Variants in GPC5 observed in about 807,000 individuals in gnomAD.
The protein encoded by GPC5 is glypican 5, also known as glypican-5.
Under a neutral mutation model 53.9 loss-of-function variants are expected in GPC5, and 47 were observed. The ratio of observed to expected loss-of-function variants is 0.87; its 90% CI spans 0.69 to 1.11. GPC5 has a LOEUF of 1.11. Among genes scored for constraint, GPC5 ranks in the 50% most tolerant of loss-of-function variants. The pLI is 0.00. For missense variants in GPC5, 748 were observed against 713.1 expected (o/e 1.05, Z -0.56); for synonymous variants, 286 against 263.3 (o/e 1.09, Z -0.84).
chr13:92,639,480 T>C (rs1233653258), intron 7 of GPC5, among the ~76,000 whole-genome samples: 1 of 152,208 alleles, frequency 6.6e-6, no homozygotes, highest in African/African-American at 2.4e-5. Flanking sequence ...ATTTAAATCC[T>C]TTGAGTGGCT....
At chr13:92,798,928 A>G (rs940989473) in intron 7 of GPC5, among the ~76,000 whole-genome samples, 2 of 151,848 alleles carry the variant, frequency 1.3e-5, no homozygotes, top group African/African-American at 4.8e-5. Context: ...ACAATACGTA[A>G]TATCTTAGAT....
At chr13:92,110,134 C>T (rs999992291) in intron 6 of GPC5, among the ~76,000 whole-genome samples, 1 of 152,086 alleles carries the variant, frequency 6.6e-6, no homozygotes, top group Admixed American at 6.5e-5. Context: ...ATCTTTCGAT[C>T]GTTTCAGATG....
intron 7 of GPC5, among the ~76,000 whole-genome samples, chr13:92,465,604 C>A (rs1274569186): frequency 6.6e-6 from 1 of 151,844 alleles, no homozygotes; most frequent in Non-Finnish European, 1.5e-5. Context: ...TTTTTTTAAT[C>A]CGAGGTGGAT....
At chr13:91,630,947 A>G (rs889545159) in intron 2 of GPC5, among the ~76,000 whole-genome samples, 2 of 152,108 alleles carry the variant, frequency 1.3e-5, no homozygotes, top group African/African-American at 4.8e-5. Context: ...TAACTTAACC[A>G]TAGGTCCAAC....
Position 92,371,725 on chromosome 13 carries a change from C to T in GPC5, c.1561+226736C>T, listed in dbSNP as rs562958797. ...TCTGGTGAGAACTCACTCACTATCACGAGAATAGCATGGAGGAAAATGCCC... is the reference window on the plus strand; with the variant it reads ...TCTGGTGAGAACTCACTCACTATCATGAGAATAGCATGGAGGAAAATGCCC... On this transcript the variant is annotated intron_variant, in intron 7 of 7. Transcript: ENST00000377067. Among the ~76,000 whole-genome samples the T allele has an allele frequency of 4.1e-4, 62 of 152,246 alleles. No homozygotes were observed. The East Asian group carries it at 9.1e-3, about 22-fold the overall frequency.
intron 1 of GPC5, among the ~76,000 whole-genome samples, chr13:91,404,697 T>C (rs1055463667): frequency 1.3e-5 from 2 of 152,240 alleles, no homozygotes; most frequent in Admixed American, 1.3e-4. Flanking sequence ...AAGTTGAATG[T>C]GCAGTGTACC....
intron 2 of GPC5, among the ~76,000 whole-genome samples, chr13:91,521,416 A>G (rs1261386564): frequency 1.3e-5 from 2 of 152,210 alleles, no homozygotes; most frequent in Admixed American, 1.3e-4. Flanking sequence ...GTGCCTCTTT[A>G]TACAGGTATC....
chr13:92,749,448 T>G (rs1889323954), intron 7 of GPC5, among the ~76,000 whole-genome samples: 1 of 152,160 alleles, frequency 6.6e-6, no homozygotes, highest in Non-Finnish European at 1.5e-5. Context: ...AAAAAAAGTA[T>G]GCTATTTTAT....
intron 6 of GPC5, among the ~76,000 whole-genome samples, chr13:92,012,874 T>C (rs1288356704): frequency 6.6e-6 from 1 of 152,152 alleles, no homozygotes; most frequent in Non-Finnish European, 1.5e-5. Flanking sequence ...GCTCACCTCT[T>C]GTGGGAGGGA....
intron 7 of GPC5, among the ~76,000 whole-genome samples, chr13:92,206,061 AAAC>A (rs1390496894): frequency 6.0e-4 from 84 of 141,150 alleles, no homozygotes; most frequent in African/African-American, 2.0e-3. Context: ...AAAAAAAAAA[AAAC>A]CCAACAACGA....
chr13:92,444,887 GA>G (rs1877734967), intron 7 of GPC5, among the ~76,000 whole-genome samples: 1 of 152,018 alleles, frequency 6.6e-6, no homozygotes. Context: ...AGGTCAAGCT[GA>G]AAAAGACAGA....
intron 6 of GPC5, among the ~76,000 whole-genome samples, chr13:92,052,022 C>CA (rs1348149458): frequency 6.6e-6 from 1 of 152,278 alleles, no homozygotes; most frequent in African/African-American, 2.4e-5. Context: ...GGGTGAGAGA[C>CA]ACAGAGGGCT....
At chr13:92,414,618 G>A (rs7338861) in intron 7 of GPC5, among the ~76,000 whole-genome samples, 6,605 of 152,242 alleles carry the variant, frequency 0.043, 202 homozygotes, top group East Asian at 0.16. Flanking sequence ...ATAATTTTTA[G>A]GCTAAGAAAT....
chr13:91,722,655 A>G (rs74418329), intron 3 of GPC5, among the ~76,000 whole-genome samples: 2 of 152,148 alleles, frequency 1.3e-5, no homozygotes, highest in Non-Finnish European at 2.9e-5. Flanking sequence ...AAAATATAAT[A>G]TGAGTTAGAA....
intron 2 of GPC5, among the ~76,000 whole-genome samples, chr13:91,571,093 C>T (rs1469116409): frequency 1.3e-5 from 2 of 152,080 alleles, no homozygotes; most frequent in East Asian, 1.9e-4. Context: ...TGCTTCTGGT[C>T]TTTGCACTCC....
intron 5 of GPC5, among the ~76,000 whole-genome samples, chr13:91,797,391 A>G (rs1258681377): frequency 6.6e-6 from 1 of 152,186 alleles, no homozygotes; most frequent in Non-Finnish European, 1.5e-5. Context: ...AAAATTTTAA[A>G]AATTAATATA....
chr13:91,852,785 G>C (rs1181680330), intron 5 of GPC5, among the ~76,000 whole-genome samples: 1 of 152,096 alleles, frequency 6.6e-6, no homozygotes, highest in Non-Finnish European at 1.5e-5. Flanking sequence ...AACTTTAAGG[G>C]ACCCACTGTG....
intron 5 of GPC5, among the ~76,000 whole-genome samples, chr13:91,890,180 T>C (rs2039369777): frequency 6.6e-6 from 1 of 152,182 alleles, no homozygotes. Context: ...AAGTGTTCTT[T>C]TGCGTAAGGT....
chr13:92,526,464 G>C (rs1327575588), intron 7 of GPC5, among the ~76,000 whole-genome samples: 2 of 152,026 alleles, frequency 1.3e-5, no homozygotes, highest in Non-Finnish European at 2.9e-5. Flanking sequence ...TGTGTGTAAT[G>C]GGGTACATGA....
Sources: allele counts gnomAD v4.1 joint callset (sites outside exome capture counted in the v4.1 genomes callset), GRCh38; gene constraint gnomAD v4.1.1; transcripts MANE v1.5; gene names NCBI Gene and HGNC (gene_info 2026-07-23, HGNC 2026-07-21).